The following SNX8 variants were observed in gnomAD, a reference collection of about 807,000 sequenced individuals.
SNX8 encodes sorting nexin-8.
A neutral mutation model predicts 51.6 loss-of-function variants in SNX8; 25 were observed. The observed-to-expected ratio is 0.48, with a 90% CI of 0.35 to 0.68. The LOEUF (loss-of-function observed/expected upper bound fraction) is 0.68, where lower values mean the gene tolerates loss of function less well. Among genes scored for constraint, SNX8 ranks in the 30% least tolerant of loss-of-function variants. The probability of loss-of-function intolerance (pLI) is 0.00; values close to 1 mark genes in which losing one functional copy is unlikely to be tolerated. For synonymous variants in SNX8, 324 were observed against 277.0 expected, an observed-to-expected ratio of 1.17 and a Z score of -1.68; for missense variants, 695 against 624.0, an observed-to-expected ratio of 1.11 and a Z score of -1.21.
chr7:2,285,508 T>G (rs975471471), intron 1 of SNX8, among the ~76,000 whole-genome samples: 4 of 152,212 alleles, frequency 2.6e-5, no homozygotes, highest in Non-Finnish European at 4.4e-5. Context: ...CATGAGAGTT[T>G]GGCAGCTCTG....
At chr7:2,279,317 C>T (rs889469414) in intron 1 of SNX8, among the ~76,000 whole-genome samples, 18 of 150,448 alleles carry the variant, frequency 1.2e-4, no homozygotes, top group Middle Eastern at 3.4e-3. Flanking sequence ...ACTCACACTA[C>T]GGAGTCGACG....
intron 7 of SNX8, among the ~76,000 whole-genome samples, chr7:2,258,926 C>A (rs1252268285): frequency 6.6e-6 from 1 of 152,178 alleles, no homozygotes; most frequent in Non-Finnish European, 1.5e-5. Flanking sequence ...CCAGAGTCAC[C>A]ACAGCACCTG....
intron 4 of SNX8, among the ~76,000 whole-genome samples, chr7:2,270,352 C>A (rs967656685): frequency 9.1e-5 from 12 of 131,636 alleles, no homozygotes; most frequent in Non-Finnish European, 1.6e-4. Flanking sequence ...GACCTGAGGC[C>A]CAGCATGGTG....
At chr7:2,306,539 T>C (rs1048797942) in intron 1 of SNX8, among the ~76,000 whole-genome samples, 4 of 152,214 alleles carry the variant, frequency 2.6e-5, no homozygotes, top group African/African-American at 9.6e-5. Flanking sequence ...AGCACAACTT[T>C]ATATTCCTTA....
At chr7:2,325,094 A>C (rs1778599567) in intron 1 of SNX8, among the ~76,000 whole-genome samples, 1 of 152,186 alleles carries the variant, frequency 6.6e-6, no homozygotes, top group Non-Finnish European at 1.5e-5. Context: ...GGCCTCCCAA[A>C]GTGCCAGGAT....
chr7:2,296,951 C>T (rs1796286492), intron 1 of SNX8, among the ~76,000 whole-genome samples: 1 of 151,756 alleles, frequency 6.6e-6, no homozygotes, highest in African/African-American at 2.4e-5. Context: ...AAAATATATA[C>T]AAATGGCCAA....
At chr7:2,265,456 C>T (rs1053440430) in intron 5 of SNX8, among the ~76,000 whole-genome samples, 1 of 152,036 alleles carries the variant, frequency 6.6e-6, no homozygotes, top group Non-Finnish European at 1.5e-5. Flanking sequence ...ACAGCCTGGG[C>T]AACATAGTGA....
chr7:2,276,414 G>A (rs969994012), intron 2 of SNX8, among the ~76,000 whole-genome samples: 6 of 152,226 alleles, frequency 3.9e-5, no homozygotes, highest in Non-Finnish European at 7.3e-5. Context: ...TTGTCCTTTG[G>A]TAGCAGTACT....
rs370798886 is a variant in SNX8, at chr7:2,286,523, T to A, written c.95-8218A>T. 8.6e-3 allele frequency among the ~76,000 whole-genome samples: 873 copies of A among 101,798 alleles called. 5 individuals carry two copies. Among genetic ancestry groups the A allele is most frequent in the African/African-American group, 0.023 (763 of 33,576 alleles). 66.8% of individuals were successfully genotyped at this position (101,798 alleles called of 152,430 possible). A position where few individuals can be genotyped will look rare whatever the true frequency, so the allele number is the denominator to read the frequency against. On this transcript the variant is annotated intron_variant, in intron 1 of 10. Coordinates refer to ENST00000222990, the MANE Select transcript of SNX8 (RefSeq NM_013321.4). Reference sequence around the variant, plus strand: ...ATGTGCCATACGGGCTATTTTATAATTTTTTTTTTTTTTTAATGGAGTCTT... The same window carrying A: ...ATGTGCCATACGGGCTATTTTATAAATTTTTTTTTTTTTTAATGGAGTCTT...
At chr7:2,309,954 G>A in intron 1 of SNX8, 1 of 449,086 alleles carries the variant, frequency 2.2e-6, no homozygotes, top group Non-Finnish European at 4.6e-6. Context: ...CACTCAAGGA[G>A]TCATCGCCAG....
intron 1 of SNX8, among the ~76,000 whole-genome samples, chr7:2,329,094 AAAAAC>A (rs1456939085): frequency 1.3e-5 from 2 of 149,932 alleles, no homozygotes; most frequent in East Asian, 2.0e-4. Context: ...TCAAAAAAAA[AAAAAC>A]AAAACATACA....
In SNX8 at chr7:2,295,640, T is replaced by C. The variant is rs867563437; in HGVS notation, c.95-17335A>G. Among the ~76,000 whole-genome samples, 50 of 151,666 alleles carry C rather than the reference T, an allele frequency of 3.3e-4. 1 individual carries two copies. Among genetic ancestry groups the C allele is most frequent in the Middle Eastern group, 3.4e-3 (1 of 294 alleles). ...AAAAGGAAATGTGTTTCTGTTGCTT[T>C]TGGGGCCTTGGGCATAAATTCTTTG... On this transcript the variant is annotated intron_variant, in intron 1 of 10. Coordinates refer to ENST00000222990, the MANE Select transcript of SNX8 (RefSeq NM_013321.4).
At chr7:2,330,634 A>G (rs2115234982) in intron 1 of SNX8, among the ~76,000 whole-genome samples, 1 of 151,902 alleles carries the variant, frequency 6.6e-6, no homozygotes, top group East Asian at 1.9e-4. Flanking sequence ...TGAGCCCCCA[A>G]CCTGTGGTAT....
In SNX8 at chr7:2,353,271, C is replaced by A. The variant is rs1779201317; in HGVS notation, c.-66+951G>T. Reference sequence around the variant, plus strand: ...CGGTGGTTCACGCTTGTAATCCTGGCACTTTGGGAGGCTGAGGTGGGAGGA... The same window carrying A: ...CGGTGGTTCACGCTTGTAATCCTGGAACTTTGGGAGGCTGAGGTGGGAGGA... On this transcript the variant is annotated intron_variant, in intron 1 of 5. Transcript: ENST00000435336. 2.6e-5 allele frequency among the ~76,000 whole-genome samples: 4 copies of A among 152,000 alleles called. 1 individual carries two copies. The South Asian group carries it at 8.3e-4, about 32-fold the overall frequency.
intron 1 of SNX8, among the ~76,000 whole-genome samples, chr7:2,279,531 C>T (rs902701836): frequency 6.6e-6 from 1 of 152,116 alleles, no homozygotes; most frequent in Non-Finnish European, 1.5e-5. Context: ...GCAAGAGGAT[C>T]GCTTGAGCTC....
intron 5 of SNX8, among the ~76,000 whole-genome samples, chr7:2,265,516 G>A (rs558744405): frequency 1.8e-4 from 27 of 151,466 alleles, no homozygotes; most frequent in Admixed American, 2.6e-4. Context: ...GTGGTGGAGC[G>A]CCTGTGGTCC....
At chr7:2,351,603 C>A (rs535262680) in intron 1 of SNX8, among the ~76,000 whole-genome samples, 1 of 151,622 alleles carries the variant, frequency 6.6e-6, no homozygotes. Flanking sequence ...GAGGCCAAGG[C>A]GGGCGGATCA....
intron 1 of SNX8, among the ~76,000 whole-genome samples, chr7:2,332,183 G>A (rs564172000): frequency 4.0e-5 from 6 of 151,252 alleles, no homozygotes; most frequent in Non-Finnish European, 8.8e-5. Context: ...CTCCAGCCTG[G>A]GTGACAGAGC....
intron 1 of SNX8, among the ~76,000 whole-genome samples, chr7:2,335,386 C>T (rs970704015): frequency 6.6e-6 from 1 of 152,084 alleles, no homozygotes; most frequent in Non-Finnish European, 1.5e-5. Flanking sequence ...TGGTGGCTCA[C>T]GCCTGTAATC....
Sources: gnomAD v4.1 joint callset for allele counts (sites outside exome capture counted in the v4.1 genomes callset) on GRCh38, gnomAD v4.1.1 for gene constraint, MANE v1.5 for transcripts, NCBI Gene and HGNC (gene_info 2026-07-23, HGNC 2026-07-21) for gene names.